GPM6A: variants seen among roughly 807,000 people sequenced by gnomAD.
GPM6A encodes the protein glycoprotein M6A, also known as neuronal membrane glycoprotein M6-a.
A neutral mutation model predicts 32.1 loss-of-function variants in GPM6A; 7 were observed. The ratio of observed to expected loss-of-function variants is 0.22; its 90% CI spans 0.12 to 0.41. GPM6A has a LOEUF of 0.41. Ranked by LOEUF, GPM6A falls within the 10% of genes least tolerant of loss-of-function variation. The probability of loss-of-function intolerance (pLI) is 1.00; values close to 1 mark genes in which losing one functional copy is unlikely to be tolerated. For synonymous variants in GPM6A, 130 were observed against 123.4 expected (o/e 1.05, Z -0.35); for missense variants, 235 against 347.2 (o/e 0.68, Z 2.57).
chr4:175,850,788 A>G (rs564424039), intron 1 of GPM6A, among the ~76,000 whole-genome samples: 1 of 151,070 alleles, frequency 6.6e-6, no homozygotes, highest in East Asian at 1.9e-4. Context: ...TTACATATAT[A>G]TTGCATATAT....
At chr4:175,868,946 A>G (rs1736821357) in intron 1 of GPM6A, among the ~76,000 whole-genome samples, 1 of 152,194 alleles carries the variant, frequency 6.6e-6, no homozygotes, top group Non-Finnish European at 1.5e-5. Flanking sequence ...TGCTTGTATT[A>G]TTGATGACTT....
intron 3 of GPM6A, among the ~76,000 whole-genome samples, chr4:175,673,029 A>C (rs1560866316): frequency 6.6e-6 from 1 of 152,172 alleles, no homozygotes; most frequent in African/African-American, 2.4e-5. Flanking sequence ...AAAAAGGAAA[A>C]TATGTCTGTC....
intron 2 of GPM6A, among the ~76,000 whole-genome samples, chr4:175,695,061 G>T (rs1413565709): frequency 6.6e-6 from 1 of 152,190 alleles, no homozygotes; most frequent in Non-Finnish European, 1.5e-5. Flanking sequence ...TGTTAAGCCT[G>T]CAGGGGAGCA....
intron 1 of GPM6A, among the ~76,000 whole-genome samples, chr4:175,930,664 C>T (rs1295415155): frequency 6.6e-6 from 1 of 151,950 alleles, no homozygotes; most frequent in Non-Finnish European, 1.5e-5. Flanking sequence ...AAAAGCTATT[C>T]AAATAATTTG....
intron 1 of GPM6A, among the ~76,000 whole-genome samples, chr4:175,713,884 C>G (rs1399339009): frequency 6.6e-6 from 1 of 152,110 alleles, no homozygotes. Flanking sequence ...GTCTGATCTT[C>G]TAAGTTGCTT....
intron 1 of GPM6A, among the ~76,000 whole-genome samples, chr4:175,947,359 A>T (rs2126363279): frequency 6.6e-6 from 1 of 152,208 alleles, no homozygotes; most frequent in Non-Finnish European, 1.5e-5. Context: ...TAAAGACACT[A>T]TCTTAATAAT....
At chr4:175,913,005 C>T (rs77208607) in intron 1 of GPM6A, among the ~76,000 whole-genome samples, 5,306 of 152,208 alleles carry the variant, frequency 0.035, 130 homozygotes, top group Middle Eastern at 0.061. Flanking sequence ...TATATACATA[C>T]GTATATGGCA....
chr4:175,721,163 A>T (rs549899808), intron 1 of GPM6A, among the ~76,000 whole-genome samples: 172 of 145,886 alleles, frequency 1.2e-3, no homozygotes, highest in African/African-American at 3.9e-3. Context: ...ATATATATAT[A>T]TATTTTCTAT....
chr4:175,808,183 T>C (rs2291759), intron 1 of GPM6A, among the ~76,000 whole-genome samples: 1 of 152,106 alleles, frequency 6.6e-6, no homozygotes, highest in African/African-American at 2.4e-5. Context: ...AAAAATAATC[T>C]TACACACACA....
At chr4:175,837,848 CT>C (rs1735815409) in intron 1 of GPM6A, among the ~76,000 whole-genome samples, 1 of 152,060 alleles carries the variant, frequency 6.6e-6, no homozygotes, top group Non-Finnish European at 1.5e-5. Context: ...CTATTTTTTT[CT>C]GTGTTTTTCT....
chr4:175,898,476 T>C (rs1407983069), intron 1 of GPM6A, among the ~76,000 whole-genome samples: 1 of 152,152 alleles, frequency 6.6e-6, no homozygotes, highest in East Asian at 1.9e-4. Context: ...TTCTGGTTGA[T>C]ACCCATGTAG....
upstream of GPM6A, among the ~76,000 whole-genome samples, chr4:175,816,076 A>AGCTACTGGGACTG (rs1735091127): frequency 6.6e-6 from 1 of 152,154 alleles, no homozygotes; most frequent in Non-Finnish European, 1.5e-5. Flanking sequence ...CTATAGTCCC[A>AGCTACTGGGACTG]GCTACTGGGG....
chr4:175,880,417 T>A (rs1737233250), intron 1 of GPM6A, among the ~76,000 whole-genome samples: 1 of 152,240 alleles, frequency 6.6e-6, no homozygotes, highest in Admixed American at 6.5e-5. Flanking sequence ...TTTCCAATTC[T>A]GTGAAGAAAG....
upstream of GPM6A, chr4:175,812,298 GGGGTTTTTTTTTTTTTTTTTTTTTTTT>G (rs1300656983): frequency 2.9e-4 from 50 of 174,428 alleles, 1 homozygote; most frequent in Middle Eastern, 9.6e-3. Flanking sequence ...GGAAAAACTG[GGGGTTTTTTTTTTTTTTTTTTTTTTTT>G]TTTTTTTTTT....
intron 1 of GPM6A, among the ~76,000 whole-genome samples, chr4:175,909,459 T>C (rs1321860822): frequency 6.6e-6 from 1 of 152,170 alleles, no homozygotes; most frequent in Non-Finnish European, 1.5e-5. Flanking sequence ...AAACTGTTAT[T>C]AATATATTTG....
chr4:175,692,572 T>C (rs1579391098), intron 2 of GPM6A, among the ~76,000 whole-genome samples: 2 of 152,120 alleles, frequency 1.3e-5, no homozygotes, highest in South Asian at 2.1e-4. Flanking sequence ...TTTTCTTTTA[T>C]AAAATTAGGA....
At chr4:175,698,934 A>C (rs1258563122) in intron 2 of GPM6A, among the ~76,000 whole-genome samples, 1 of 152,288 alleles carries the variant, frequency 6.6e-6, no homozygotes. Flanking sequence ...AATATATGAA[A>C]GTTTGTTGTT....
chr4:175,637,699 TA>T (rs1740853514), intron 6 of GPM6A, among the ~76,000 whole-genome samples: 2 of 70,240 alleles, frequency 2.8e-5, no homozygotes, highest in East Asian at 7.6e-4. Context: ...TATAATATAT[TA>T]TATATTATAT....
intron 2 of GPM6A, among the ~76,000 whole-genome samples, chr4:175,690,366 T>A (rs1013555431): frequency 1.5e-4 from 23 of 152,244 alleles, no homozygotes; most frequent in African/African-American, 5.5e-4. Flanking sequence ...CTGCAATAAA[T>A]TAGCCTAAGT....
Sources: gnomAD v4.1 joint callset for allele counts (sites outside exome capture counted in the v4.1 genomes callset) on GRCh38, gnomAD v4.1.1 for gene constraint, MANE v1.5 for transcripts, NCBI Gene and HGNC (gene_info 2026-07-23, HGNC 2026-07-21) for gene names.